Variants in MEFV observed in about 807,000 individuals in gnomAD.
MEFV encodes pyrin.
Under a neutral mutation model 62.5 loss-of-function variants are expected in MEFV, and 60 were observed. The ratio of observed to expected loss-of-function variants is 0.96; its 90% confidence interval spans 0.78 to 1.19. MEFV has a LOEUF of 1.19. Ranked by LOEUF, MEFV falls within the 50% of genes most tolerant of loss-of-function variation. The pLI is 0.00. For synonymous variants in MEFV, 500 were observed against 415.2 expected (o/e 1.20, Z -2.48); for missense variants, 1,169 against 1,004.5 (o/e 1.16, Z -2.21).
At chr16:3,246,071 C>T (rs964492889) in intron 6 of MEFV, among the ~76,000 whole-genome samples, 1 of 152,084 alleles carries the variant, frequency 6.6e-6, no homozygotes, top group African/African-American at 2.4e-5. Context: ...AAAAGGACAC[C>T]GGGATTTTGT....
At chr16:3,252,953 A>C (rs1404145486) in intron 2 of MEFV, among the ~76,000 whole-genome samples, 1 of 149,370 alleles carries the variant, frequency 6.7e-6, no homozygotes, top group Non-Finnish European at 1.5e-5. Flanking sequence ...CTGTCTCAAA[A>C]AAAAAAAAAA....
Position 3,244,477 on chromosome 16 carries a change from G to C in MEFV, c.1722C>G (p.Phe574Leu). The C allele has an allele frequency of 6.2e-7, 1 of 1,613,586 alleles. No individual in the cohort carries two copies. Among genetic ancestry groups the C allele is most frequent in the Non-Finnish European group, 8.5e-7 (1 of 1,179,546 alleles). ...SEFVEKSTKYFSETLRSEMEM... is the reference protein window; with the variant it reads ...SEFVEKSTKYLSETLRSEMEM... The stretch of plus-strand genomic sequence containing the variant: ...TCTTCTCCCAAGCCCATCTACCTGA[G>C]AAGTACTTTGTGCTCTTCTCCACAA... Residue 574 changes from phenylalanine (F) to leucine (L), a missense_variant, in exon 7 of 10, where the codon TTC becomes TTG. Coordinates refer to ENST00000219596, the MANE Select transcript of MEFV (RefSeq NM_000243.3).
chr16:3,254,087 C>A, intron 2 of MEFV, 71 bp downstream of exon 2: 4 of 1,543,502 alleles, frequency 2.6e-6, no homozygotes, highest in Admixed American at 1.8e-5. Context: ...GGATTACAGG[C>A]ATGAGCTATC....
Position 3,256,493 on chromosome 16 carries a change from C to A in MEFV, c.95G>T (p.Ser32Ile). Residue 32 changes from serine (S) to isoleucine (I), a missense_variant, in exon 1 of 10, where the codon AGT (serine) becomes ATT (isoleucine). Ser to Ile is a moderately radical substitution (Grantham distance 142, BLOSUM62 -2). Coordinates refer to ENST00000219596, the MANE Select transcript of MEFV (RefSeq NM_000243.3). ...EKFKFKLQNTSVQKEHSRIPR... is the reference protein window; with the variant it reads ...EKFKFKLQNTIVQKEHSRIPR... Reference sequence around the variant, plus strand: ...GATCCTGGAGTGCTCCTTCTGCACACTGGTGTTCTGCAGCTTGAACTTGAA... The same window carrying A: ...GATCCTGGAGTGCTCCTTCTGCACAATGGTGTTCTGCAGCTTGAACTTGAA... 6.2e-7 allele frequency: 1 copy of A among 1,614,236 alleles called. No individual in the cohort carries two copies. Among genetic ancestry groups the A allele is most frequent in the East Asian group, 2.2e-5 (1 of 44,890 alleles).
rs191797900 is a variant in MEFV at position 3,255,736 on chromosome 16, A to G, written c.277+575T>C. Among the ~76,000 whole-genome samples the G allele has an allele frequency of 2.6e-5, 4 of 152,166 alleles. No individual in the cohort carries two copies. The East Asian group carries it at 7.8e-4, about 30-fold the overall frequency. On this transcript the variant is annotated intron_variant, in intron 1 of 9. Coordinates refer to ENST00000219596, the MANE Select transcript of MEFV (RefSeq NM_000243.3). Reference sequence around the variant, plus strand: ...TATATTTCTCAAATAGTACTTTTCAAACGTTTTAAGCAGGACAACTGTTTC... The same window carrying G: ...TATATTTCTCAAATAGTACTTTTCAGACGTTTTAAGCAGGACAACTGTTTC...
chr16:3,251,061 C>T (rs1005416674), intron 2 of MEFV, among the ~76,000 whole-genome samples: 6 of 149,416 alleles, frequency 4.0e-5, no homozygotes, highest in African/African-American at 1.5e-4. Context: ...TAGAAACACA[C>T]TCAATCCTTT....
In MEFV at chr16:3,243,105, G is replaced by A. The variant is rs1246407445; in HGVS notation, c.*36C>T. 6.2e-7 allele frequency: 1 copy of A among 1,606,356 alleles called. No homozygotes were observed. Among genetic ancestry groups the A allele is most frequent in the East Asian group, 2.2e-5 (1 of 44,868 alleles). ...TATTGAGTGTGAATGCAAGATACAAGGCCAGAAGCAGGAAGAGAGATGCAG... is the reference window on the plus strand; with the variant it reads ...TATTGAGTGTGAATGCAAGATACAAAGCCAGAAGCAGGAAGAGAGATGCAG... On this transcript the variant is annotated 3_prime_UTR_variant, in exon 10 of 10. Transcript: ENST00000219596.
At position 3,248,969 on chromosome 16, in the gene MEFV, C is replaced by T; in HGVS notation, c.1296G>A (p.Lys432=). ...GCTGCTCCTCCCCTGATTTTCTCAG[C>T]TTCTTCAGATGCTCCAGCTGCTTCT... ...KIQKQLEHLK[K]LRKSGEEQRS... The change falls in exon 4 of 10, where the codon AAG becomes AAA. Residue 432 remains lysine, a synonymous_variant. Transcript: ENST00000219596. 3.7e-6 allele frequency: 6 copies of T among 1,614,236 alleles called. No individual in the cohort carries two copies. The highest frequency in any genetic ancestry group is 4.2e-6 in the Non-Finnish European group (5 of 1,180,024).
At chr16:3,256,264 C>A (rs1376750831) in intron 1 of MEFV, 47 bp downstream of exon 1, 2 of 1,601,136 alleles carry the variant, frequency 1.2e-6, no homozygotes, top group Non-Finnish European at 8.5e-7. Context: ...TCCCACAAAG[C>A]AGCCAGCACT....
intron 9 of MEFV, 44 bp downstream of exon 9, chr16:3,243,816 G>A: frequency 1.2e-6 from 2 of 1,609,954 alleles, no homozygotes; most frequent in South Asian, 1.1e-5. Flanking sequence ...GAGAGCACAG[G>A]GATCCAGCAG....
In MEFV at chr16:3,243,333, C is replaced by T. The variant is rs1280453006; in HGVS notation, c.2154G>A (p.Val718=). Residue 718 remains valine (V), a synonymous_variant, in exon 10 of 10, where the codon GTG becomes GTA. Transcript: ENST00000219596. ...CAACTCTGTAGTCCACGAAGATGCCCACACGCTTGGGAGGCTCCTTTATTA... is the reference window on the plus strand; with the variant it reads ...CAACTCTGTAGTCCACGAAGATGCCTACACGCTTGGGAGGCTCCTTTATTA... The part of the protein sequence containing the change: ...RLLIKEPPKR[V]GIFVDYRVGS... 1.2e-6 allele frequency: 2 copies of T among 1,614,218 alleles called. No homozygotes were observed. Among genetic ancestry groups the T allele is most frequent in the East Asian group, 2.2e-5 (1 of 44,890 alleles).
At chr16:3,247,296 G>T in intron 4 of MEFV, 50 bp from the exon 5 acceptor site, 1 of 1,551,744 alleles carries the variant, frequency 6.4e-7, no homozygotes, top group Non-Finnish European at 8.9e-7. Context: ...GTGGGTGGAC[G>T]TGGATGTCCA....
At chr16:3,248,314 G>A (rs896228949) in intron 4 of MEFV, among the ~76,000 whole-genome samples, 14 of 151,514 alleles carry the variant, frequency 9.2e-5, no homozygotes, top group Admixed American at 5.3e-4. Flanking sequence ...GTTCTTGGCC[G>A]GGCGCAGTGG....
rs377226366 is a variant in MEFV at position 3,248,899 on chromosome 16, C to A, written c.1356+10G>T. ...GGGACGGATGGGCCATCAGCCACCTCTGACCTTACCAGAAAGCTCACTGCC... is the reference window on the plus strand; with the variant it reads ...GGGACGGATGGGCCATCAGCCACCTATGACCTTACCAGAAAGCTCACTGCC... On this transcript the variant is annotated intron_variant, in intron 4 of 9. Transcript: ENST00000219596. The A allele has an allele frequency of 1.4e-5, 23 of 1,613,944 alleles. No individual in the cohort carries two copies. The highest frequency in any genetic ancestry group is 1.9e-5 in the Non-Finnish European group (22 of 1,179,914).
At position 3,249,747 on chromosome 16, in the gene MEFV, C is replaced by A. The variant is rs769565764; in HGVS notation, c.944G>T (p.Cys315Phe). ...AACTGGGTCTCCTTCCTGGGCGTGG[C>A]AGCGGGGACTCGCAGCCGTGTCTGG... ...RPPDTAASPR[C>F]HAQEGDPVDG... The change falls in exon 3 of 10, where the codon TGC becomes TTC. Residue 315 changes from cysteine to phenylalanine, a missense_variant. Physicochemically the swap from Cys to Phe is radical, Grantham distance 205 (BLOSUM62 -2). Transcript: ENST00000219596. 1.2e-6 allele frequency: 2 copies of A among 1,614,132 alleles called. No individual in the cohort carries two copies. Among genetic ancestry groups the A allele is most frequent in the Admixed American group, 3.3e-5 (2 of 60,026 alleles).
At chr16:3,252,315 C>A (rs576038840) in intron 2 of MEFV, among the ~76,000 whole-genome samples, 5 of 150,684 alleles carry the variant, frequency 3.3e-5, no homozygotes, top group Non-Finnish European at 7.4e-5. Context: ...CTCTTGTCGC[C>A]CAGGCTAGAG....
chr16:3,256,566 G>T lies in MEFV; in HGVS notation c.22C>A (p.His8Asn), dbSNP rs1959119465. The change falls in exon 1 of 10, where the codon CAT (histidine) becomes AAT (asparagine). Residue 8 changes from histidine to asparagine, a missense_variant. By Grantham distance (68) the His-to-Asn change is moderately conservative. Transcript: ENST00000219596. Reference protein sequence around the residue: MAKTPSDHLLSTLEELVP... With the variant: MAKTPSDNLLSTLEELVP... The stretch of plus-strand genomic sequence containing the variant: ...AGCTCCTCCAGGGTGGACAGCAGAT[G>T]GTCACTAGGGGTCTTAGCCATGGTG... The T allele has an allele frequency of 6.2e-7, 1 of 1,614,106 alleles. No homozygotes were observed. Among genetic ancestry groups the T allele is most frequent in the African/African-American group, 1.3e-5 (1 of 74,942 alleles).
Position 3,243,767 on chromosome 16 carries a change from G to T in MEFV, c.1793-73C>A, listed in dbSNP as rs1958897339. 4.3e-6 allele frequency: 7 copies of T among 1,609,594 alleles called. No individual in the cohort carries two copies. In the South Asian group the frequency reaches 6.6e-5, roughly 15 times the overall value. On this transcript the variant is annotated intron_variant, in intron 9 of 9. Transcript: ENST00000219596. ...CCTACAGGGTTCTCCCCACCTGCAGGAAACAGGGACAGGGTAGTTCTTCTG... is the reference window on the plus strand; with the variant it reads ...CCTACAGGGTTCTCCCCACCTGCAGTAAACAGGGACAGGGTAGTTCTTCTG...
intron 1 of MEFV, 45 bp downstream of exon 1, chr16:3,256,266 G>A: frequency 6.2e-7 from 1 of 1,600,798 alleles, no homozygotes. Flanking sequence ...CCACAAAGCA[G>A]CCAGCACTCA....
Sources: gnomAD v4.1 joint callset for allele counts (sites outside exome capture counted in the v4.1 genomes callset) on GRCh38, gnomAD v4.1.1 for gene constraint, MANE v1.5 for transcripts, NCBI Gene and HGNC (gene_info 2026-07-23, HGNC 2026-07-21) for gene names.